The following RFPL4AL1 variants were observed in gnomAD, a reference collection of about 807,000 sequenced individuals.
RFPL4AL1 encodes the protein ret finger protein-like 4A-like protein 1.
RFPL4AL1 carries 2 observed loss-of-function variants against 8.2 expected under a neutral mutation model. The ratio of observed to expected loss-of-function variants is 0.24; its 90% CI spans 0.10 to 0.77. The LOEUF is 0.77. Ranked by LOEUF, RFPL4AL1 falls within the 30% of genes least tolerant of loss-of-function variation. RFPL4AL1 has a pLI of 0.72. For synonymous variants in RFPL4AL1, 25 were observed against 131.8 expected (o/e 0.19, Z 5.55); for missense variants, 57 against 350.3 (o/e 0.16, Z 6.68).
chr19:55,771,092 T>TTTG (rs1989487756), intron 1 of RFPL4AL1, among the ~76,000 whole-genome samples: 1 of 148,972 alleles, frequency 6.7e-6, no homozygotes, highest in Admixed American at 6.7e-5. Context: ...TTTTGTTTTT[T>TTTG]TTTTTTTTTT....
chr19:55,771,079 G>GTTTTTTTTTTTTTTTTTTTT (rs1243816491), intron 1 of RFPL4AL1, among the ~76,000 whole-genome samples: 10 of 89,502 alleles, frequency 1.1e-4, no homozygotes, highest in Non-Finnish European at 1.7e-4. Context: ...TTTTAGTTCT[G>GTTTTTTTTTTTTTTTTTTTT]TTTTTTGTTT....
At chr19:55,770,776 T>C (rs1196390805) in intron 1 of RFPL4AL1, among the ~76,000 whole-genome samples, 1 of 151,936 alleles carries the variant, frequency 6.6e-6, no homozygotes, top group Admixed American at 6.6e-5. Flanking sequence ...AAAGCCACTG[T>C]TTTGGTCTCA....
intron 1 of RFPL4AL1, among the ~76,000 whole-genome samples, chr19:55,770,225 T>C (rs1266123452): frequency 2.6e-5 from 4 of 151,954 alleles, no homozygotes; most frequent in Non-Finnish European, 4.4e-5. Context: ...TTTTTGATCA[T>C]AGCCATCCTA....
At chr19:55,769,992 G>A (rs1440181742) in intron 1 of RFPL4AL1, among the ~76,000 whole-genome samples, 1 of 151,964 alleles carries the variant, frequency 6.6e-6, no homozygotes, top group Non-Finnish European at 1.5e-5. Flanking sequence ...TGTGAATAAT[G>A]CTGCAGAGAA....
At chr19:55,769,448 C>T (rs1452154454) in intron 1 of RFPL4AL1, among the ~76,000 whole-genome samples, 2 of 151,648 alleles carry the variant, frequency 1.3e-5, no homozygotes, top group African/African-American at 2.4e-5. Flanking sequence ...TCGGTGGCTG[C>T]GTTACTCAAC....
chr19:55,773,193 C>G lies in RFPL4AL1; in HGVS notation c.*14C>G. 1 of 1,433,956 alleles carries G rather than the reference C, an allele frequency of 7.0e-7. No individual in the cohort carries two copies. Among genetic ancestry groups the G allele is most frequent in the Non-Finnish European group, 9.5e-7 (1 of 1,048,092 alleles). The allele number at this position is 1,433,956 out of a possible 1,614,324, so 88.8% of individuals were successfully genotyped here. A position where few individuals can be genotyped will look rare whatever the true frequency, so the allele number is the denominator to read the frequency against. ...GAGGGAAAGTAAATAAACATTTGAA[C>G]ATAATCATCTTTAGGAAGTTTCAGT... On this transcript the variant is annotated 3_prime_UTR_variant, in exon 3 of 3. Transcript: ENST00000341750.
chr19:55,771,422 C>T (rs779465036), intron 1 of RFPL4AL1, among the ~76,000 whole-genome samples: 5 of 152,162 alleles, frequency 3.3e-5, no homozygotes, highest in African/African-American at 4.8e-5. Context: ...TTCCCCATTA[C>T]GTCTTCACAA....
chr19:55,772,976 G>GAT lies in RFPL4AL1; in HGVS notation c.662_663dup (p.Val222MetfsTer2). Reference sequence around the variant, plus strand: ...GTTGCACAGAGTGGGGATTTTCCTGGATGTAGGTATGAGGTCCATTGCCTT... The same window carrying GAT: ...GTTGCACAGAGTGGGGATTTTCCTGGATATGTAGGTATGAGGTCCATTGCCTT... On this transcript the variant is annotated frameshift_variant, in exon 3 of 3. Coordinates refer to ENST00000341750, the MANE Select transcript of RFPL4AL1 (RefSeq NM_001277397.2). LOFTEE classifies it low-confidence loss of function (END_TRUNC). The GAT allele has an allele frequency of 6.7e-7, 1 of 1,500,308 alleles. No individual in the cohort carries two copies. The highest frequency in any genetic ancestry group is 9.0e-7 in the Non-Finnish European group (1 of 1,113,480). The allele number at this position is 1,500,308 out of a possible 1,614,324, so 92.9% of individuals were successfully genotyped here.
rs1555799515 is a variant in RFPL4AL1 at position 55,771,079 on chromosome 19, G to GGTT, written c.-9-717_-9-716insGTT. ...TGCTTGTTTGGTTTCTTTTAGTTCTGTTTTTTGTTTTTTTTTTTTTTTTTT... is the reference window on the plus strand; with the variant it reads ...TGCTTGTTTGGTTTCTTTTAGTTCTGGTTTTTTTTGTTTTTTTTTTTTTTTTTT... On this transcript the variant is annotated intron_variant, in intron 1 of 2. Coordinates refer to ENST00000341750, the MANE Select transcript of RFPL4AL1 (RefSeq NM_001277397.2). 2.3e-4 allele frequency among the ~76,000 whole-genome samples: 21 copies of GGTT among 89,542 alleles called. 1 individual carries two copies. Among genetic ancestry groups the GGTT allele is most frequent in the Admixed American group, 5.5e-4 (4 of 7,270 alleles). The allele number at this position is 89,542 out of a possible 152,430, so 58.7% of individuals were successfully genotyped here. A position where few individuals can be genotyped will look rare whatever the true frequency, so the allele number is the denominator to read the frequency against.
intron 1 of RFPL4AL1, among the ~76,000 whole-genome samples, chr19:55,770,367 G>A (rs920536299): frequency 3.3e-5 from 5 of 151,938 alleles, no homozygotes; most frequent in African/African-American, 1.2e-4. Context: ...ATTCAGGGAT[G>A]AGCCAGAATG....
At chr19:55,770,260 G>T (rs550731008) in intron 1 of RFPL4AL1, among the ~76,000 whole-genome samples, 4 of 151,852 alleles carry the variant, frequency 2.6e-5, no homozygotes, top group African/African-American at 9.7e-5. Flanking sequence ...ATATCTCATC[G>T]CGGTTTTATT....
intron 1 of RFPL4AL1, among the ~76,000 whole-genome samples, chr19:55,769,786 C>A (rs1394723671): frequency 6.6e-6 from 1 of 151,568 alleles, no homozygotes; most frequent in Non-Finnish European, 1.5e-5. Context: ...AACTCAGATT[C>A]CACATAACTG....
At chr19:55,770,465 C>T (rs114542172) in intron 1 of RFPL4AL1, among the ~76,000 whole-genome samples, 3,244 of 151,368 alleles carry the variant, frequency 0.021, 71 homozygotes, top group African/African-American at 0.075. Flanking sequence ...TGGTGGCGTT[C>T]AAAGGAGTTT....
intron 1 of RFPL4AL1, among the ~76,000 whole-genome samples, chr19:55,770,296 G>T (rs1391908061): frequency 6.6e-6 from 1 of 151,944 alleles, no homozygotes; most frequent in African/African-American, 2.4e-5. Flanking sequence ...AGGCTCTCTG[G>T]ATGCCAGAGA....
chr19:55,769,345 A>G (rs1989445989), intron 1 of RFPL4AL1, among the ~76,000 whole-genome samples, 170 bp downstream of exon 1: 1 of 151,966 alleles, frequency 6.6e-6, no homozygotes. Context: ...GGCAACTCTT[A>G]GATTTTCAAT....
At chr19:55,769,667 C>G (rs1268464086) in intron 1 of RFPL4AL1, among the ~76,000 whole-genome samples, 1 of 151,810 alleles carries the variant, frequency 6.6e-6, no homozygotes, top group African/African-American at 2.4e-5. Flanking sequence ...TGGGACCCAC[C>G]TCTTCCAGGA....
At chr19:55,772,200 T>A in intron 2 of RFPL4AL1, 110 bp downstream of exon 2, 1 of 763,156 alleles carries the variant, frequency 1.3e-6, no homozygotes, top group Non-Finnish European at 2.1e-6. Flanking sequence ...CATCTAAAAC[T>A]TCCATGCTTC....
intron 1 of RFPL4AL1, among the ~76,000 whole-genome samples, chr19:55,769,712 A>C (rs1989453992): frequency 6.6e-6 from 1 of 151,730 alleles, no homozygotes. Context: ...GTTTTGAGAC[A>C]GGGTCTCGCT....
rs1217704674 is a variant in RFPL4AL1, at chr19:55,773,224, C to T, written c.*45C>T. 1 of 1,200,618 alleles carries T rather than the reference C, an allele frequency of 8.3e-7. No individual in the cohort carries two copies. The highest frequency in any genetic ancestry group is 1.2e-6 in the Non-Finnish European group (1 of 848,384). 74.4% of individuals were successfully genotyped at this position (1,200,618 alleles called of 1,614,324 possible). On this transcript the variant is annotated 3_prime_UTR_variant, in exon 3 of 3. Coordinates refer to ENST00000341750, the MANE Select transcript of RFPL4AL1 (RefSeq NM_001277397.2). ...CATCTTTAGGAAGTTTCAGTGCCCCCATAGCCATAGCTAAGAACTTTTCCG... is the reference window on the plus strand; with the variant it reads ...CATCTTTAGGAAGTTTCAGTGCCCCTATAGCCATAGCTAAGAACTTTTCCG...
Sources: allele counts gnomAD v4.1 joint callset (sites outside exome capture counted in the v4.1 genomes callset), GRCh38; gene constraint gnomAD v4.1.1; transcripts MANE v1.5; gene names NCBI Gene and HGNC (gene_info 2026-07-23, HGNC 2026-07-21).